NLRP12: variants seen among roughly 807,000 people sequenced by gnomAD.
NLRP12 encodes NACHT, LRR and PYD domains-containing protein 12.
A neutral mutation model predicts 91.2 loss-of-function variants in NLRP12; 108 were observed. The ratio of observed to expected loss-of-function variants is 1.18; its 90% CI spans 1.01 to 1.39. The LOEUF is 1.39. NLRP12 is among the 40% of genes most tolerant of loss of function. NLRP12 has a pLI of 0.00. For synonymous variants in NLRP12, 613 were observed against 566.7 expected (o/e 1.08, Z -1.16); for missense variants, 1,530 against 1,352.7 (o/e 1.13, Z -2.06).
chr19:53,799,615 C>T (rs985423808), intron 7 of NLRP12, among the ~76,000 whole-genome samples: 22 of 151,922 alleles, frequency 1.4e-4, no homozygotes, highest in Admixed American at 1.2e-3. Flanking sequence ...TCCTGAGTAC[C>T]TGGATATCAG....
Position 53,810,424 on chromosome 19 carries a change from G to C in NLRP12, c.1235C>G (p.Thr412Ser), listed in dbSNP as rs771071667. ...ACCCTCCAGCTGCTGCTGGAGGCAG[G>C]TACACACCACCCAGCACACCAGGGG... ...FVPLVCWVVC[T>S]CLQQQLEGGG... Residue 412 changes from threonine (T) to serine (S), a missense_variant, in exon 3 of 10, where the codon ACC becomes AGC. Thr to Ser is a moderately conservative substitution (Grantham distance 58, BLOSUM62 1). Coordinates refer to ENST00000324134, the MANE Select transcript of NLRP12 (RefSeq NM_144687.4). 1.2e-6 allele frequency: 2 copies of C among 1,613,922 alleles called. No individual in the cohort carries two copies. The highest frequency in any genetic ancestry group is 1.7e-6 in the Non-Finnish European group (2 of 1,180,006).
At chr19:53,806,210 GGCTACAGA>G (rs1568669581) in intron 4 of NLRP12, among the ~76,000 whole-genome samples, 1 of 151,870 alleles carries the variant, frequency 6.6e-6, no homozygotes, top group East Asian at 2.0e-4. Flanking sequence ...CTCCAGCCCA[GGCTACAGA>G]GCAATACTAT....
rs756089658 is a variant in NLRP12 at position 53,804,066 on chromosome 19, CCG to C, written c.2469_2470del (p.Gly824HisfsTer7). The C allele has an allele frequency of 2.4e-5, 39 of 1,613,918 alleles. No homozygotes were observed. The highest frequency in any genetic ancestry group is 3.2e-5 in the Non-Finnish European group (38 of 1,180,022). On this transcript the variant is annotated frameshift_variant, in exon 6 of 10. Coordinates refer to ENST00000324134, the MANE Select transcript of NLRP12 (RefSeq NM_144687.4). LOFTEE classifies it high-confidence loss of function. The stretch of plus-strand genomic sequence containing the variant: ...CAACTCAACCAGATGTGGGTTGGTG[CCG>C]AGCACAGAAGCCATCTCCTGACAAG...
Position 53,807,511 on chromosome 19 carries a change from T to G in NLRP12, c.2227A>C (p.Lys743Gln), listed in dbSNP as rs74373537. ...TGCACTCACCTCAGGTTCTGAAGTT[T>G]GCAGTTGGGGTGTCTGAGTCCTTGA... is the stretch of plus-strand genomic sequence containing the variant. ...LCQGLRHPNC[K>Q]LQNLRLKRCR... The change falls in exon 4 of 10, where the codon AAA (lysine) becomes CAA (glutamine). Residue 743 changes from lysine to glutamine, a missense_variant. Transcript: ENST00000324134. The G allele has an allele frequency of 3.0e-4, 487 of 1,614,004 alleles. 3 individuals carry two copies. The African/African-American group carries it at 5.5e-3, about 18-fold the overall frequency.
intron 8 of NLRP12, among the ~76,000 whole-genome samples, chr19:53,796,560 C>T (rs9304758): frequency 6.6e-6 from 1 of 151,174 alleles, no homozygotes; most frequent in Non-Finnish European, 1.5e-5. Flanking sequence ...ATTTTTATAT[C>T]TTTAGTGGAG....
chr19:53,798,541 CAAAAA>C, intron 7 of NLRP12, 128 bp from the exon 8 acceptor site: 2 of 898,538 alleles, frequency 2.2e-6, no homozygotes, highest in Non-Finnish European at 3.5e-6. Context: ...CCTTGAGAGA[CAAAAA>C]GAAAAAGACG....
chr19:53,806,931 G>A (rs2091969448), intron 4 of NLRP12, among the ~76,000 whole-genome samples: 1 of 151,662 alleles, frequency 6.6e-6, no homozygotes, highest in Non-Finnish European at 1.5e-5. Flanking sequence ...ACCATGTGAA[G>A]ACAGAAGGCA....
At chr19:53,795,107 C>CTGTGT (rs1555792119) in intron 9 of NLRP12, among the ~76,000 whole-genome samples, 15,838 of 85,422 alleles carry the variant, frequency 0.19, 1,024 homozygotes, top group South Asian at 0.27. Context: ...CTGGTGTGTG[C>CTGTGT]GTGTGTGTGT....
chr19:53,810,490 T>TA lies in NLRP12; in HGVS notation c.1168dup (p.Tyr390LeufsTer88). On this transcript the variant is annotated frameshift_variant, in exon 3 of 10. Transcript: ENST00000324134. LOFTEE classifies it high-confidence loss of function. ...GAAGAGAGGCTCGTTGTCCCTCACG[T>TA]AATTGAAGACTTGGCCCGCCTGCTC... is the stretch of plus-strand genomic sequence containing the variant. 6.2e-7 allele frequency: 1 copy of TA among 1,614,124 alleles called. No homozygotes were observed. The highest frequency in any genetic ancestry group is 8.5e-7 in the Non-Finnish European group (1 of 1,180,012).
Position 53,810,835 on chromosome 19 carries a change from G to A in NLRP12, c.824C>T (p.Pro275Leu). ...GATGAGCTCCTGGAGAGGCGCGCTG[G>A]GCTCAGGCCAGCAGCTGAAGATGAG... ...QDLIFSCWPE[P>L]SAPLQELIRV... Residue 275 changes from proline (P) to leucine (L), a missense_variant, in exon 3 of 10, where the codon CCC becomes CTC. Coordinates refer to ENST00000324134, the MANE Select transcript of NLRP12 (RefSeq NM_144687.4). 6.2e-7 allele frequency: 1 copy of A among 1,614,056 alleles called. No homozygotes were observed. Among genetic ancestry groups the A allele is most frequent in the Middle Eastern group, 1.6e-4 (1 of 6,062 alleles).
chr19:53,817,910 G>A (rs373803812), intron 1 of NLRP12, among the ~76,000 whole-genome samples: 39 of 150,588 alleles, frequency 2.6e-4, no homozygotes, highest in Non-Finnish European at 5.2e-4. Context: ...AGCCTCCGGA[G>A]TAGCTGGGAT....
intron 1 of NLRP12, among the ~76,000 whole-genome samples, chr19:53,822,847 A>T (rs544644139): frequency 6.6e-6 from 1 of 151,792 alleles, no homozygotes; most frequent in Non-Finnish European, 1.5e-5. Flanking sequence ...AACTCACTGC[A>T]ATCTCCACCT....
chr19:53,807,330 C>T (rs919925962), intron 4 of NLRP12, among the ~76,000 whole-genome samples, 165 bp downstream of exon 4: 7 of 152,110 alleles, frequency 4.6e-5, no homozygotes, highest in African/African-American at 9.7e-5. Context: ...CACCTGTCAA[C>T]ATACTGGGAT....
Position 53,803,039 on chromosome 19 carries a change from G to A in NLRP12, c.2585+913C>T, listed in dbSNP as rs371493734. Among the ~76,000 whole-genome samples, 154 of 152,176 alleles carry A rather than the reference G, an allele frequency of 1.0e-3. 2 individuals carry two copies. The highest frequency in any genetic ancestry group is 3.6e-3 in the African/African-American group (148 of 41,530). On this transcript the variant is annotated intron_variant, in intron 6 of 9. Coordinates refer to ENST00000324134, the MANE Select transcript of NLRP12 (RefSeq NM_144687.4). ...GTTGTGATTACAGCTGTGAGCCACC[G>A]CGCCCTGCCCTTCTGAATATTTTTG...
In NLRP12 at chr19:53,814,969, C is replaced by T. The variant is rs200930208; in HGVS notation, c.309G>A (p.Pro103=). The change falls in exon 2 of 10, where the codon CCG becomes CCA. Residue 103 remains proline, a synonymous_variant. Transcript: ENST00000324134. ...ATGTTGACTGGTTCCCAAGTGAGGACGGGCCACCAGGTGGGGTATCTGGAA... is the reference window on the plus strand; with the variant it reads ...ATGTTGACTGGTTCCCAAGTGAGGATGGGCCACCAGGTGGGGTATCTGGAA... The part of the protein sequence containing the change: ...DLVRDTPPGG[P]SSLGNQSTCL... The T allele has an allele frequency of 4.0e-5, 65 of 1,613,804 alleles. No homozygotes were observed. Among genetic ancestry groups the T allele is most frequent in the Non-Finnish European group, 5.1e-5 (60 of 1,179,830 alleles).
At chr19:53,801,496 G>T (rs2091874073) in intron 6 of NLRP12, 99 bp from the exon 7 acceptor site, 7 of 1,465,526 alleles carry the variant, frequency 4.8e-6, no homozygotes, top group Non-Finnish European at 6.3e-6. Flanking sequence ...CTGTTGCCCA[G>T]GCTGGAATGC....
At chr19:53,817,609 G>C in intron 1 of NLRP12, among the ~76,000 whole-genome samples, 1 of 151,696 alleles carries the variant, frequency 6.6e-6, no homozygotes, top group South Asian at 2.1e-4. Context: ...GGTGGCAGAT[G>C]CCTGTAATCC....
At position 53,807,392 on chromosome 19, in the gene NLRP12, G is replaced by A. The variant is rs983138666; in HGVS notation, c.2243+103C>T. The A allele has an allele frequency of 3.4e-5, 40 of 1,186,668 alleles. 1 individual carries two copies. Among genetic ancestry groups the A allele is most frequent in the Middle Eastern group, 2.8e-4 (1 of 3,636 alleles). 73.5% of individuals were successfully genotyped at this position (1,186,668 alleles called of 1,614,324 possible). A position where few individuals can be genotyped will look rare whatever the true frequency, so the allele number is the denominator to read the frequency against. The stretch of plus-strand genomic sequence containing the variant: ...TTTGTGACACTTTTTTATGGCAGCC[G>A]TAGCCAACGAATACACCATCCCGTG... On this transcript the variant is annotated intron_variant, in intron 4 of 9. Transcript: ENST00000324134.
chr19:53,819,567 A>ACGCG lies in NLRP12; in HGVS notation c.289+4318_289+4319insCGCG, dbSNP rs1568696159. ...TATATATATGTATGTATACGTATAT[A>ACGCG]TATGCGTATATATGTATGTATACGT... On this transcript the variant is annotated intron_variant, in intron 1 of 9. Coordinates refer to ENST00000324134, the MANE Select transcript of NLRP12 (RefSeq NM_144687.4). 3.5e-4 allele frequency among the ~76,000 whole-genome samples: 33 copies of ACGCG among 95,468 alleles called. 2 individuals carry two copies. Among genetic ancestry groups the ACGCG allele is most frequent in the Non-Finnish European group, 4.5e-4 (19 of 42,170 alleles). 62.6% of individuals were successfully genotyped at this position (95,468 alleles called of 152,430 possible).
Sources: allele counts gnomAD v4.1 joint callset (sites outside exome capture counted in the v4.1 genomes callset), GRCh38; gene constraint gnomAD v4.1.1; transcripts MANE v1.5; gene names NCBI Gene and HGNC (gene_info 2026-07-23, HGNC 2026-07-21).